Variants in TLN2 observed in about 807,000 individuals in gnomAD.
The protein encoded by TLN2 is talin 2.
Under a neutral mutation model 294.7 loss-of-function variants are expected in TLN2, and 118 were observed. That is an observed-to-expected ratio of 0.40 (90% confidence interval 0.34 to 0.47). The LOEUF is 0.47. TLN2 is among the 20% of genes least tolerant of loss of function. The probability of loss-of-function intolerance (pLI) is 0.84; values close to 1 mark genes in which losing one functional copy is unlikely to be tolerated. For missense variants in TLN2, 3,083 were observed against 3,282.2 expected, an observed-to-expected ratio of 0.94 and a Z score of 1.48; for synonymous variants, 1,431 against 1,304.5, an observed-to-expected ratio of 1.10 and a Z score of -2.09.
At chr15:62,673,692 C>T (rs1454594953) in intron 9 of TLN2, 135 bp from the exon 10 acceptor site, 3 of 602,444 alleles carry the variant, frequency 5.0e-6, no homozygotes, top group Non-Finnish European at 8.7e-6. Context: ...TAGGATATAG[C>T]AGTCTGTTAT....
chr15:62,646,860 A>T (rs1261862704), intron 3 of TLN2, among the ~76,000 whole-genome samples: 2 of 152,160 alleles, frequency 1.3e-5, no homozygotes, highest in Non-Finnish European at 2.9e-5. Context: ...GAGAGGACCC[A>T]GGGAACTGAG....
At chr15:62,441,182 C>T (rs2035526585) in intron 1 of TLN2, among the ~76,000 whole-genome samples, 1 of 152,086 alleles carries the variant, frequency 6.6e-6, no homozygotes, top group Admixed American at 6.5e-5. Context: ...GCTTTAGGGC[C>T]CCTCACATGG....
In TLN2 at chr15:62,521,472, G is replaced by GA. The variant is rs199977955; in HGVS notation, c.-237-68215_-237-68214insA. Among the ~76,000 whole-genome samples, 4 of 109,716 alleles carry GA rather than the reference G, an allele frequency of 3.6e-5. No homozygotes were observed. In the East Asian group the frequency reaches 4.0e-3, roughly 111 times the overall value. 72.0% of individuals were successfully genotyped at this position (109,716 alleles called of 152,430 possible). On this transcript the variant is annotated intron_variant, in intron 1 of 58. Coordinates refer to ENST00000636159, the MANE Select transcript of TLN2 (RefSeq NM_015059.3). The stretch of plus-strand genomic sequence containing the variant: ...GGCAGTGGAGTTTAGGGAGACAGTT[G>GA]GGGGGCAAGTTACAGGTCATAAGTG...
At chr15:62,582,246 A>ACACACACACACCCCCCCC (rs764248336) in intron 1 of TLN2, among the ~76,000 whole-genome samples, 2 of 137,240 alleles carry the variant, frequency 1.5e-5, no homozygotes, top group African/African-American at 5.4e-5. Flanking sequence ...ACACACACAC[A>ACACACACACACCCCCCCC]CATTCATGCC....
At chr15:62,812,216 A>C (rs2066745686) in intron 52 of TLN2, among the ~76,000 whole-genome samples, 1 of 151,836 alleles carries the variant, frequency 6.6e-6, no homozygotes, top group African/African-American at 2.4e-5. Context: ...TGTCTTGTTC[A>C]TTTTGGGGGA....
chr15:62,478,689 A>C (rs1318855750), intron 1 of TLN2, among the ~76,000 whole-genome samples: 1 of 152,156 alleles, frequency 6.6e-6, no homozygotes, highest in African/African-American at 2.4e-5. Context: ...GGGTTGATTC[A>C]GTGTGTTCTG....
intron 4 of TLN2, among the ~76,000 whole-genome samples, chr15:62,649,427 G>T (rs539993502): frequency 2.0e-5 from 3 of 152,244 alleles, no homozygotes; most frequent in African/African-American, 7.2e-5. Flanking sequence ...AAGAAAGAGA[G>T]AAATTTTGGG....
intron 1 of TLN2, among the ~76,000 whole-genome samples, chr15:62,439,477 T>C (rs573100531): frequency 6.6e-6 from 1 of 152,274 alleles, no homozygotes; most frequent in South Asian, 2.1e-4. Context: ...CACGCCCGGC[T>C]AATTTTTGTA....
At position 62,662,822 on chromosome 15, in the gene TLN2, G is replaced by GTTTTTT. The variant is rs772448730; in HGVS notation, c.788+4937_788+4942dup. Among the ~76,000 whole-genome samples, 281 of 108,204 alleles carry GTTTTTT rather than the reference G, an allele frequency of 2.6e-3. 16 individuals carry two copies. The highest frequency in any genetic ancestry group is 3.8e-3 in the East Asian group (13 of 3,430). 71.0% of individuals were successfully genotyped at this position (108,204 alleles called of 152,430 possible). On this transcript the variant is annotated intron_variant, in intron 9 of 58. Transcript: ENST00000636159. ...TTGGTGTATTTTAGGGATTGAGAGA[G>GTTTTTT]TTTTTTTTTTTTTTTTTTGGAGACA...
chr15:62,455,180 G>T (rs539054970), intron 1 of TLN2, among the ~76,000 whole-genome samples: 1 of 131,172 alleles, frequency 7.6e-6, no homozygotes, highest in African/African-American at 2.8e-5. Context: ...TGCCTCCTGA[G>T]AGTGATACAG....
rs2059777727 is a variant in TLN2 at position 62,716,449 on chromosome 15, AC to A, written c.2755del (p.Arg919AspfsTer54). ...AATGCTATTAAGAAAAAAATTGTCA[AC>A]CGACTGGAGGTAAGGAAAGAGGCTG... is the stretch of plus-strand genomic sequence containing the variant. ...AQNAIKKKIVNRLEVAAKQAA... is the reference protein window; with the variant it reads ...AQNAIKKKIVXRLEVAAKQAA... On this transcript the variant is annotated frameshift_variant, in exon 23 of 59. Coordinates refer to ENST00000636159, the MANE Select transcript of TLN2 (RefSeq NM_015059.3). LOFTEE classifies it high-confidence loss of function. The A allele has an allele frequency of 1.2e-6, 2 of 1,604,728 alleles. No homozygotes were observed. The highest frequency in any genetic ancestry group is 2.7e-5 in the African/African-American group (2 of 74,378).
At chr15:62,459,308 T>C (rs1403403912) in intron 1 of TLN2, among the ~76,000 whole-genome samples, 1 of 151,530 alleles carries the variant, frequency 6.6e-6, no homozygotes, top group Non-Finnish European at 1.5e-5. Context: ...CCTTTTTTTT[T>C]TTTTTTTTTT....
intron 4 of TLN2, among the ~76,000 whole-genome samples, chr15:62,648,543 CG>C (rs2052191460): frequency 9.2e-6 from 1 of 109,248 alleles, no homozygotes; most frequent in Admixed American, 9.9e-5. Flanking sequence ...ATGATGATGA[CG>C]ATTTTTTTTT....
chr15:62,568,915 C>T (rs553077106), intron 1 of TLN2, among the ~76,000 whole-genome samples: 10 of 152,308 alleles, frequency 6.6e-5, no homozygotes, highest in South Asian at 6.2e-4. Context: ...CACATGACAA[C>T]AGCTGGTGGC....
In TLN2 at chr15:62,712,590, A is replaced by G. The variant is rs1248268178; in HGVS notation, c.2634+513A>G. ...CTTTATGCTTTTTGACAGCTGTGCT[A>G]TAGCATAATGCTTACAAAACCTAGT... On this transcript the variant is annotated intron_variant, in intron 22 of 58. Coordinates refer to ENST00000636159, the MANE Select transcript of TLN2 (RefSeq NM_015059.3). Among the ~76,000 whole-genome samples, 6 of 152,212 alleles carry G rather than the reference A, an allele frequency of 3.9e-5. No individual in the cohort carries two copies. In the East Asian group the frequency reaches 7.7e-4, roughly 20 times the overall value.
chr15:62,562,514 C>G (rs1292240350), intron 1 of TLN2, among the ~76,000 whole-genome samples: 1 of 150,120 alleles, frequency 6.7e-6, no homozygotes, highest in African/African-American at 2.5e-5. Flanking sequence ...TCTAGCCTTC[C>G]TGAACATCTC....
At chr15:62,450,976 C>G (rs74607532) in intron 1 of TLN2, among the ~76,000 whole-genome samples, 6 of 138,988 alleles carry the variant, frequency 4.3e-5, no homozygotes, top group Admixed American at 7.3e-5. Context: ...AGTTCTCTCT[C>G]TTTTTTTTTT....
chr15:62,561,326 G>T (rs554199101), intron 1 of TLN2: 2 of 152,376 alleles, frequency 1.3e-5, no homozygotes, highest in African/African-American at 4.8e-5. Flanking sequence ...TCAAAGGAAT[G>T]TAACACACCC....
chr15:62,673,236 C>G (rs1230634153), intron 9 of TLN2, among the ~76,000 whole-genome samples: 1 of 141,188 alleles, frequency 7.1e-6, no homozygotes, highest in African/African-American at 2.6e-5. Context: ...AGTTACTTGA[C>G]ATAATTATTC....
Sources: allele counts gnomAD v4.1 joint callset (sites outside exome capture counted in the v4.1 genomes callset), GRCh38; gene constraint gnomAD v4.1.1; transcripts MANE v1.5; gene names NCBI Gene and HGNC (gene_info 2026-07-23, HGNC 2026-07-21).